The following WDR44 variants were observed in gnomAD, a reference collection of about 807,000 sequenced individuals.
The protein encoded by WDR44 is WD repeat domain 44, also known as WD repeat-containing protein 44.
In WDR44, 9 loss-of-function variants were observed where a neutral mutation model predicts 65.7. The observed-to-expected ratio is 0.14, with a 90% CI of 0.08 to 0.24. WDR44 has a LOEUF of 0.24. Among genes scored for constraint, WDR44 ranks in the 10% least tolerant of loss-of-function variants. The pLI is 1.00. For missense variants in WDR44, 425 were observed against 670.9 expected (o/e 0.63, Z 4.05); for synonymous variants, 220 against 235.2 (o/e 0.94, Z 0.59).
intron 14 of WDR44, among the ~76,000 whole-genome samples, chrX:118,437,979 T>A (rs1435581459): frequency 9.2e-6 from 1 of 108,614 alleles, no homozygotes. Context: ...GAGGCTGCAG[T>A]GAGCTGAGAT....
chrX:118,365,358 G>T (rs1221403514), intron 1 of WDR44, among the ~76,000 whole-genome samples: 1 of 110,392 alleles, frequency 9.1e-6, no homozygotes, highest in East Asian at 2.8e-4. Flanking sequence ...AAATATTTTG[G>T]TGGCCAGTGG....
Position 118,372,561 on chromosome X carries a change from A to AT in WDR44, c.78-5855dup, listed in dbSNP as rs199953328. 3.1e-4 allele frequency among the ~76,000 whole-genome samples: 35 copies of AT among 111,736 alleles called. 1 individual carries two copies. In the East Asian group the frequency reaches 9.5e-3, roughly 30 times the overall value. ...ATACAGCTGAAAACAAGAAATAAGC[A>AT]TTTAAAAAGCCTCTGAACAGTTCAA... On this transcript the variant is annotated intron_variant, in intron 1 of 19. Coordinates refer to ENST00000254029, the MANE Select transcript of WDR44 (RefSeq NM_019045.5).
intron 3 of WDR44, among the ~76,000 whole-genome samples, chrX:118,391,041 T>A (rs1220806382): frequency 2.7e-5 from 3 of 111,882 alleles, no homozygotes; most frequent in African/African-American, 9.8e-5. Flanking sequence ...TAAATGAGAA[T>A]GTGTATACTA....
chrX:118,416,658 T>C (rs1472189249), intron 12 of WDR44, among the ~76,000 whole-genome samples: 1 of 111,748 alleles, frequency 8.9e-6, no homozygotes, highest in African/African-American at 3.3e-5. Flanking sequence ...ATGTGTATTC[T>C]GCAGTTGTTG....
chrX:118,358,031 G>A (rs918080440), intron 1 of WDR44, among the ~76,000 whole-genome samples: 6 of 111,846 alleles, frequency 5.4e-5, no homozygotes, highest in African/African-American at 1.3e-4. Context: ...AAATTAGCTG[G>A]GCATGGTGGT....
At chrX:118,366,799 A>G (rs2056556715) in intron 1 of WDR44, among the ~76,000 whole-genome samples, 1 of 112,379 alleles carries the variant, frequency 8.9e-6, no homozygotes, top group African/African-American at 3.2e-5. Context: ...ATTTATGGTT[A>G]AAAATGAAAT....
chrX:118,442,376 A>G (rs1366640413), intron 16 of WDR44, 31 bp downstream of exon 16: 2 of 1,099,229 alleles, frequency 1.8e-6, no homozygotes, highest in South Asian at 1.9e-5. Context: ...ATCTCTCTCC[A>G]TACTATATGT....
At chrX:118,446,699 C>G (rs1042502747) in intron 19 of WDR44, among the ~76,000 whole-genome samples, 1 of 112,189 alleles carries the variant, frequency 8.9e-6, no homozygotes, top group African/African-American at 3.2e-5. Context: ...TTCAGTCTAG[C>G]ATTTCTTTCA....
At chrX:118,355,237 A>G (rs988399025) in intron 1 of WDR44, among the ~76,000 whole-genome samples, 5 of 111,901 alleles carry the variant, frequency 4.5e-5, no homozygotes, top group Non-Finnish European at 9.4e-5. Flanking sequence ...CTTTCCTAGC[A>G]TAGTCAATGT....
rs140313566 is a variant in WDR44, at chrX:118,440,322, G to A, written c.1975-1046G>A. ...GGTCTCTACACACTAAATACTGGTA[G>A]CATCCTGATCCTCCCACCAGTTTTG... On this transcript the variant is annotated intron_variant, in intron 14 of 19. Transcript: ENST00000254029. Among the ~76,000 whole-genome samples the A allele has an allele frequency of 7.7e-3, 850 of 110,285 alleles. 9 individuals are homozygous for A. Among genetic ancestry groups the A allele is most frequent in the African/African-American group, 0.026 (802 of 30,315 alleles).
intron 19 of WDR44, 65 bp downstream of exon 19, chrX:118,444,559 G>T (rs1281692493): frequency 8.9e-7 from 1 of 1,118,966 alleles, no homozygotes; most frequent in Non-Finnish European, 1.2e-6. Flanking sequence ...TATCTCATTT[G>T]AGTATAATAA....
chrX:118,420,174 C>T (rs1330928867), intron 12 of WDR44, among the ~76,000 whole-genome samples: 1 of 111,476 alleles, frequency 9.0e-6, no homozygotes, highest in Non-Finnish European at 1.9e-5. Flanking sequence ...CTGGTCTCTA[C>T]CCAATTCATT....
intron 6 of WDR44, among the ~76,000 whole-genome samples, chrX:118,396,092 A>T (rs1394087779): frequency 8.9e-6 from 1 of 111,796 alleles, no homozygotes; most frequent in African/African-American, 3.2e-5. Context: ...TACCAAAATA[A>T]ATTTTTTTAT....
intron 12 of WDR44, among the ~76,000 whole-genome samples, chrX:118,415,980 T>C (rs2057054106): frequency 8.9e-6 from 1 of 112,073 alleles, no homozygotes; most frequent in Admixed American, 9.5e-5. Context: ...AAGGTGTTCA[T>C]AGTAGCCTTG....
At chrX:118,427,714 G>A (rs1189410133) in intron 12 of WDR44, among the ~76,000 whole-genome samples, 4 of 92,345 alleles carry the variant, frequency 4.3e-5, no homozygotes, top group South Asian at 1.1e-3. Flanking sequence ...TCGCTCTGTC[G>A]TCCAGGCTGG....
At chrX:118,355,286 C>A (rs1180783202) in intron 1 of WDR44, among the ~76,000 whole-genome samples, 1 of 111,448 alleles carries the variant, frequency 9.0e-6, no homozygotes, top group African/African-American at 3.3e-5. Context: ...TACTTCTTGT[C>A]CCTTAAAACT....
intron 1 of WDR44, among the ~76,000 whole-genome samples, chrX:118,367,832 A>G (rs986891324): frequency 9.0e-6 from 1 of 110,773 alleles, no homozygotes; most frequent in African/African-American, 3.3e-5. Context: ...AAAAAAAAGT[A>G]CTCTTGCCTT....
At chrX:118,352,258 T>G (rs1271618871) in intron 1 of WDR44, among the ~76,000 whole-genome samples, 3 of 88,234 alleles carry the variant, frequency 3.4e-5, no homozygotes, top group Admixed American at 1.3e-4. Flanking sequence ...CAGGTGATCC[T>G]CCCACCTCAG....
chrX:118,381,109 T>C (rs2056711043), intron 2 of WDR44, among the ~76,000 whole-genome samples: 2 of 111,989 alleles, frequency 1.8e-5, no homozygotes, highest in Admixed American at 1.9e-4. Flanking sequence ...TATACATGCA[T>C]TGAAACATCA....
Sources: gnomAD v4.1 joint callset for allele counts (sites outside exome capture counted in the v4.1 genomes callset) on GRCh38, gnomAD v4.1.1 for gene constraint, MANE v1.5 for transcripts, NCBI Gene and HGNC (gene_info 2026-07-23, HGNC 2026-07-21) for gene names.